The following RNF10 variants were observed in gnomAD, a reference collection of about 807,000 sequenced individuals.
RNF10 encodes ring finger protein 10, also known as E3 ubiquitin-protein ligase RNF10.
Under a neutral mutation model 91.4 loss-of-function variants are expected in RNF10, and 38 were observed. The observed-to-expected ratio is 0.42, with a 90% CI of 0.32 to 0.54. RNF10 has a LOEUF of 0.54. Among genes scored for constraint, RNF10 ranks in the 20% least tolerant of loss-of-function variants. The pLI, the probability that RNF10 is intolerant of heterozygous loss-of-function variation, is 0.16. For missense variants in RNF10, 945 were observed against 1,012.0 expected (o/e 0.93, Z 0.90); for synonymous variants, 364 against 366.3 (o/e 0.99, Z 0.07).
chr12:120,575,412 C>A (rs1877252524), intron 14 of RNF10: 1 of 555,920 alleles, frequency 1.8e-6, no homozygotes, highest in Non-Finnish European at 3.2e-6. Flanking sequence ...AAGGAACAAA[C>A]AGCTTATGGT....
chr12:120,555,617 A>G (rs1444556940), intron 4 of RNF10, among the ~76,000 whole-genome samples: 2 of 151,832 alleles, frequency 1.3e-5, no homozygotes, highest in African/African-American at 4.8e-5. Flanking sequence ...CCTCCCGAGT[A>G]ACTGGGACTA....
At position 120,577,455 on chromosome 12, in the gene RNF10, CTCA is replaced by C. The variant is rs1199371017; in HGVS notation, c.*792_*794del. The C allele has an allele frequency of 7.1e-6, 2 of 283,452 alleles. No individual in the cohort carries two copies. Among genetic ancestry groups the C allele is most frequent in the African/African-American group, 4.7e-5 (2 of 42,890 alleles). The allele number at this position is 283,452 out of a possible 1,614,324, so 17.6% of individuals were successfully genotyped here. ...GCGGTAGCATTGCCACCATCTCCCT[CTCA>C]TCTAGAGCAGTTTTCTTATGCCTTG... On this transcript the variant is annotated 3_prime_UTR_variant, in exon 17 of 17. Coordinates refer to ENST00000325954, the MANE Select transcript of RNF10 (RefSeq NM_014868.5).
intron 13 of RNF10, among the ~76,000 whole-genome samples, chr12:120,569,113 G>T (rs1048707670): frequency 1.3e-5 from 2 of 152,030 alleles, no homozygotes; most frequent in African/African-American, 4.8e-5. Flanking sequence ...TGGATTACAG[G>T]CATATGCCAC....
chr12:120,542,098 C>G (rs1454319346), intron 1 of RNF10, among the ~76,000 whole-genome samples: 5 of 151,962 alleles, frequency 3.3e-5, no homozygotes, highest in Admixed American at 6.6e-5. Flanking sequence ...GATCTCCTGA[C>G]CTCGTGATCC....
chr12:120,536,757 G>A (rs1450986299), intron 1 of RNF10, among the ~76,000 whole-genome samples: 1 of 152,188 alleles, frequency 6.6e-6, no homozygotes, highest in East Asian at 1.9e-4. Context: ...CCAGATGTAT[G>A]TTAAGGATTT....
At chr12:120,574,255 A>G (rs1877071955) in intron 14 of RNF10, among the ~76,000 whole-genome samples, 1 of 152,244 alleles carries the variant, frequency 6.6e-6, no homozygotes, top group Admixed American at 6.5e-5. Context: ...TCACTTTGGA[A>G]TATATGATTT....
chr12:120,568,479 C>CTT lies in RNF10; in HGVS notation c.2041+1512_2041+1513dup, dbSNP rs200277775. The stretch of plus-strand genomic sequence containing the variant: ...TGCCTGGCACATGGTTTATTAATTT[C>CTT]TTTTTTTTTTTTTTGAGATGGAGTC... On this transcript the variant is annotated intron_variant, in intron 13 of 16. Transcript: ENST00000325954. Among the ~76,000 whole-genome samples the CTT allele has an allele frequency of 2.6e-3, 375 of 144,526 alleles. 2 individuals carry two copies. Among genetic ancestry groups the CTT allele is most frequent in the Admixed American group, 4.5e-3 (64 of 14,352 alleles). The allele number at this position is 144,526 out of a possible 152,430, so 94.8% of individuals were successfully genotyped here.
chr12:120,568,221 G>A (rs1467366702), intron 13 of RNF10, among the ~76,000 whole-genome samples: 1 of 151,860 alleles, frequency 6.6e-6, no homozygotes, highest in Non-Finnish European at 1.5e-5. Context: ...CTCTAGCCTG[G>A]GCAACACAGC....
At chr12:120,539,351 C>T (rs778129951) in intron 1 of RNF10, 5 of 1,225,008 alleles carry the variant, frequency 4.1e-6, no homozygotes, top group South Asian at 3.8e-5. Flanking sequence ...TACCACCTCT[C>T]TCTTCCTTTC....
At position 120,534,867 on chromosome 12, in the gene RNF10, G is replaced by A; in HGVS notation, c.56G>A (p.Ser19Asn). 6.2e-7 allele frequency: 1 copy of A among 1,608,420 alleles called. No individual in the cohort carries two copies. The highest frequency in any genetic ancestry group is 8.5e-7 in the Non-Finnish European group (1 of 1,179,622). The change falls in exon 1 of 17, where the codon AGC (serine) becomes AAC (asparagine). Residue 19 changes from serine to asparagine, a missense_variant. Transcript: ENST00000325954. Reference sequence around the variant, plus strand: ...ACCGCCTCCGACATGGACAAGAACAGCGGCTCCAACAGCTCCTCCGCCTCT... The same window carrying A: ...ACCGCCTCCGACATGGACAAGAACAACGGCTCCAACAGCTCCTCCGCCTCT... ...AATASDMDKN[S>N]GSNSSSASSG...
chr12:120,559,178 T>C (rs1440190917), intron 6 of RNF10, among the ~76,000 whole-genome samples: 55 of 40,882 alleles, frequency 1.3e-3, no homozygotes, highest in African/African-American at 3.4e-3. Flanking sequence ...GAACTACTCT[T>C]TTTTTTTTTT....
intron 1 of RNF10, among the ~76,000 whole-genome samples, chr12:120,545,211 C>T (rs549533530): frequency 1.3e-5 from 2 of 152,276 alleles, no homozygotes; most frequent in Admixed American, 6.5e-5. Flanking sequence ...GACGGAGTCT[C>T]GCCCTGTCAC....
chr12:120,548,339 A>C (rs1356549387), intron 2 of RNF10, among the ~76,000 whole-genome samples: 1 of 151,978 alleles, frequency 6.6e-6, no homozygotes, highest in Non-Finnish European at 1.5e-5. Flanking sequence ...TGAGTGTTCC[A>C]AAAACGGATT....
chr12:120,571,927 C>G (rs1182008878), intron 14 of RNF10, among the ~76,000 whole-genome samples: 1 of 152,118 alleles, frequency 6.6e-6, no homozygotes, highest in Non-Finnish European at 1.5e-5. Flanking sequence ...TTGTTAATCT[C>G]TAAGATAACA....
chr12:120,562,242 C>T (rs1040126885), intron 7 of RNF10, among the ~76,000 whole-genome samples: 1 of 146,306 alleles, frequency 6.8e-6, no homozygotes, highest in Non-Finnish European at 1.5e-5. Context: ...AACATGTGTG[C>T]GATATTTGGT....
chr12:120,560,191 G>C lies in RNF10; in HGVS notation c.968-535G>C, dbSNP rs543229174. On this transcript the variant is annotated intron_variant, in intron 6 of 16. Transcript: ENST00000325954. ...TTTGAGACAGAGTTTCGCTTTTGTTGCCCAAGCTGGAATGCAGTGGCATGA... is the reference window on the plus strand; with the variant it reads ...TTTGAGACAGAGTTTCGCTTTTGTTCCCCAAGCTGGAATGCAGTGGCATGA... 4.0e-5 allele frequency among the ~76,000 whole-genome samples: 5 copies of C among 123,614 alleles called. No individual in the cohort carries two copies. The South Asian group carries it at 1.4e-3, about 36-fold the overall frequency. 81.1% of individuals were successfully genotyped at this position (123,614 alleles called of 152,430 possible).
At chr12:120,554,460 A>T in intron 3 of RNF10, 1 of 407,514 alleles carries the variant, frequency 2.5e-6, no homozygotes. Context: ...TTTTAGTTCA[A>T]GGGATGCCTT....
intron 1 of RNF10, among the ~76,000 whole-genome samples, chr12:120,539,131 A>G (rs1040615000): frequency 3.3e-5 from 5 of 152,188 alleles, no homozygotes; most frequent in African/African-American, 1.2e-4. Flanking sequence ...GGCATTTTAC[A>G]GAAGTTTTCT....
In RNF10 at chr12:120,563,478, G is replaced by A. The variant is rs775202544; in HGVS notation, c.1386G>A (p.Gly462=). 3 of 1,614,032 alleles carry A rather than the reference G, an allele frequency of 1.9e-6. No homozygotes were observed. The highest frequency in any genetic ancestry group is 1.3e-5 in the African/African-American group (1 of 74,890). ...CAGTGTCTGAACCAGAGCCTGAGGG[G>A]TTGCCAGAGGCCTGTGATGACTTGG... ...EEAVSEPEPE[G]LPEACDDLEL... Residue 462 remains glycine, a synonymous_variant, in exon 9 of 17, where the codon GGG becomes GGA. Transcript: ENST00000325954.
Sources: gnomAD v4.1 joint callset for allele counts (sites outside exome capture counted in the v4.1 genomes callset) on GRCh38, gnomAD v4.1.1 for gene constraint, MANE v1.5 for transcripts, NCBI Gene and HGNC (gene_info 2026-07-23, HGNC 2026-07-21) for gene names.